MACROD2: variants seen among roughly 807,000 people sequenced by gnomAD.
MACROD2 encodes the protein ADP-ribose glycohydrolase MACROD2.
A neutral mutation model predicts 70.4 loss-of-function variants in MACROD2; 36 were observed. The observed-to-expected ratio is 0.51, with a 90% CI of 0.39 to 0.68. The LOEUF is 0.68. Among genes scored for constraint, MACROD2 ranks in the 30% least tolerant of loss-of-function variants. The pLI is 0.00. For synonymous variants in MACROD2, 172 were observed against 178.8 expected, an observed-to-expected ratio of 0.96 and a Z score of 0.30; for missense variants, 496 against 538.4, an observed-to-expected ratio of 0.92 and a Z score of 0.78.
At chr20:15,259,803 G>A (rs1484074286) in intron 6 of MACROD2, among the ~76,000 whole-genome samples, 2 of 150,692 alleles carry the variant, frequency 1.3e-5, no homozygotes. Flanking sequence ...TTTCTCTCTG[G>A]CCCCAGATAT....
chr20:14,012,472 C>A (rs542376993), intron 2 of MACROD2, among the ~76,000 whole-genome samples: 2 of 152,150 alleles, frequency 1.3e-5, no homozygotes, highest in African/African-American at 4.8e-5. Context: ...TTCGGACCTG[C>A]GGGCATAGCT....
At chr20:14,506,989 G>A (rs1257741768) in intron 4 of MACROD2, among the ~76,000 whole-genome samples, 1 of 152,036 alleles carries the variant, frequency 6.6e-6, no homozygotes, top group East Asian at 1.9e-4. Context: ...TTCCAGAGTT[G>A]CGATACTATA....
chr20:14,419,419 A>G (rs1350221838), intron 3 of MACROD2, among the ~76,000 whole-genome samples: 3 of 152,162 alleles, frequency 2.0e-5, no homozygotes, highest in East Asian at 1.9e-4. Context: ...AGTTGCTTCA[A>G]ATTTAATTAT....
At chr20:14,000,531 C>T (rs1483965092) in intron 1 of MACROD2, among the ~76,000 whole-genome samples, 4 of 152,112 alleles carry the variant, frequency 2.6e-5, no homozygotes, top group African/African-American at 9.7e-5. Flanking sequence ...ACTGCAGTAC[C>T]TTGTGATACA....
rs71190132 is a variant in MACROD2 at position 14,356,498 on chromosome 20, C to CTT, written c.272-136959_272-136958dup. Among the ~76,000 whole-genome samples the CTT allele has an allele frequency of 8.9e-3, 683 of 76,750 alleles. 12 individuals carry two copies. Among genetic ancestry groups the CTT allele is most frequent in the African/African-American group, 0.02 (419 of 21,352 alleles). 50.4% of individuals were successfully genotyped at this position (76,750 alleles called of 152,430 possible). On this transcript the variant is annotated intron_variant, in intron 3 of 17. Transcript: ENST00000684519. The stretch of plus-strand genomic sequence containing the variant: ...ACCTGGGGGCTGGAGGATCTACTTT[C>CTT]TTTTTTTTTTTTTTTTTTTTTTTCG...
chr20:14,876,731 C>T (rs2073555282), intron 5 of MACROD2, among the ~76,000 whole-genome samples: 1 of 152,044 alleles, frequency 6.6e-6, no homozygotes, highest in African/African-American at 2.4e-5. Context: ...AATCCTTTCT[C>T]TTAATGGTTT....
intron 12 of MACROD2, among the ~76,000 whole-genome samples, chr20:15,940,631 G>T (rs1285080633): frequency 2.0e-5 from 3 of 152,178 alleles, no homozygotes; most frequent in Non-Finnish European, 2.9e-5. Context: ...CCAGGAGAAA[G>T]ATTACAAGTT....
At chr20:14,419,706 T>A (rs1436964564) in intron 3 of MACROD2, among the ~76,000 whole-genome samples, 2 of 152,206 alleles carry the variant, frequency 1.3e-5, no homozygotes, top group East Asian at 1.9e-4. Flanking sequence ...AAATCAAATG[T>A]TTATAATCAG....
chr20:15,763,463 T>TACAC (rs2051471608), intron 8 of MACROD2, among the ~76,000 whole-genome samples: 1 of 152,180 alleles, frequency 6.6e-6, no homozygotes, highest in African/African-American at 2.4e-5. Context: ...CACACACACA[T>TACAC]ACACACAAAC....
Position 15,933,535 on chromosome 20 carries a change from C to T in MACROD2, c.838+197C>T, listed in dbSNP as rs1162491764. ...GCTTTCAAACAGAGTGGCACATTCT[C>T]ACATCTCATTCACCAATTCAATTTT... On this transcript the variant is annotated intron_variant, in intron 11 of 17. Coordinates refer to ENST00000684519, the MANE Select transcript of MACROD2 (RefSeq NM_001351661.2). 22 of 509,448 alleles carry T rather than the reference C, an allele frequency of 4.3e-5. No homozygotes were observed. In the Admixed American group the frequency reaches 5.9e-4, roughly 14 times the overall value. The allele number at this position is 509,448 out of a possible 1,614,324, so 31.6% of individuals were successfully genotyped here. A position where few individuals can be genotyped will look rare whatever the true frequency, so the allele number is the denominator to read the frequency against.
chr20:14,121,285 T>C (rs1033108359), intron 3 of MACROD2, among the ~76,000 whole-genome samples: 12 of 152,158 alleles, frequency 7.9e-5, no homozygotes, highest in Non-Finnish European at 1.5e-5. Context: ...ATGTCATAGA[T>C]GGGGAAACAG....
At chr20:15,163,657 A>C (rs917864096) in intron 5 of MACROD2, among the ~76,000 whole-genome samples, 1 of 151,982 alleles carries the variant, frequency 6.6e-6, no homozygotes, top group Non-Finnish European at 1.5e-5. Flanking sequence ...AATCCAGCTC[A>C]TGTCCTGTTT....
intron 3 of MACROD2, among the ~76,000 whole-genome samples, chr20:14,336,967 C>T (rs534599639): frequency 6.6e-6 from 1 of 152,290 alleles, no homozygotes; most frequent in African/African-American, 2.4e-5. Flanking sequence ...TCATGTACTG[C>T]GTACTCATGG....
intron 3 of MACROD2, among the ~76,000 whole-genome samples, chr20:14,167,731 A>G (rs769525508): frequency 3.6e-4 from 55 of 152,152 alleles, no homozygotes; most frequent in Admixed American, 6.5e-4. Flanking sequence ...CAAAAGACCC[A>G]TAATTTCTTA....
intron 2 of MACROD2, among the ~76,000 whole-genome samples, chr20:14,031,369 G>C (rs964830337): frequency 6.6e-6 from 1 of 152,208 alleles, no homozygotes; most frequent in Admixed American, 6.5e-5. Context: ...ATGAAAAATT[G>C]CTTAAATATG....
intron 3 of MACROD2, among the ~76,000 whole-genome samples, chr20:14,185,436 C>A (rs1420113371): frequency 1.7e-4 from 26 of 152,052 alleles, no homozygotes; most frequent in Non-Finnish European, 8.8e-5. Flanking sequence ...TGTGCATTTG[C>A]TCTAAGATCT....
rs546097032 is a variant in MACROD2 at position 14,825,348 on chromosome 20, A to C, written c.418+140389A>C. Reference sequence around the variant, plus strand: ...CCCCATTGCAAGCTTTCTCCTAGCAAACCTGACCAGTGACAACAGTGTCCA... The same window carrying C: ...CCCCATTGCAAGCTTTCTCCTAGCACACCTGACCAGTGACAACAGTGTCCA... On this transcript the variant is annotated intron_variant, in intron 5 of 17. Transcript: ENST00000684519. 2.6e-5 allele frequency among the ~76,000 whole-genome samples: 4 copies of C among 152,204 alleles called. No homozygotes were observed. The East Asian group carries it at 7.7e-4, about 29-fold the overall frequency.
At chr20:15,395,720 G>A (rs1227022357) in intron 6 of MACROD2, among the ~76,000 whole-genome samples, 1 of 152,150 alleles carries the variant, frequency 6.6e-6, no homozygotes, top group Non-Finnish European at 1.5e-5. Flanking sequence ...CTAGCTTCAG[G>A]GGACACAGAT....
chr20:15,247,920 A>G (rs2077120978), intron 6 of MACROD2, among the ~76,000 whole-genome samples: 2 of 152,122 alleles, frequency 1.3e-5, no homozygotes, highest in Non-Finnish European at 2.9e-5. Context: ...CTGCTCTTCA[A>G]TTCCCAACCT....
Sources: gnomAD v4.1 joint callset for allele counts (sites outside exome capture counted in the v4.1 genomes callset) on GRCh38, gnomAD v4.1.1 for gene constraint, MANE v1.5 for transcripts, NCBI Gene and HGNC (gene_info 2026-07-23, HGNC 2026-07-21) for gene names.